RORA: variants seen among roughly 807,000 people sequenced by gnomAD.
The protein encoded by RORA is RAR related orphan receptor A.
In RORA, 7 loss-of-function variants were observed where a neutral mutation model predicts 69.5. The observed-to-expected ratio is 0.10, with a 90% CI of 0.06 to 0.19. RORA has a LOEUF of 0.19. Among genes scored for constraint, RORA ranks in the 10% least tolerant of loss-of-function variants. The pLI is 1.00. For synonymous variants in RORA, 261 were observed against 240.8 expected (o/e 1.08, Z -0.78); for missense variants, 457 against 663.0 (o/e 0.69, Z 3.41).
At chr15:60,619,227 C>A (rs1045340028) in intron 2 of RORA, among the ~76,000 whole-genome samples, 2 of 152,270 alleles carry the variant, frequency 1.3e-5, no homozygotes, top group East Asian at 1.9e-4. Flanking sequence ...ATCGTGGTAA[C>A]GAAATGACTA....
intron 1 of RORA, among the ~76,000 whole-genome samples, chr15:61,104,406 A>G (rs1039809660): frequency 1.3e-5 from 2 of 152,184 alleles, no homozygotes; most frequent in Non-Finnish European, 2.9e-5. Context: ...CAAACACAAC[A>G]GGAGGATGGT....
chr15:60,828,775 C>T (rs2072999647), intron 1 of RORA, among the ~76,000 whole-genome samples: 1 of 152,166 alleles, frequency 6.6e-6, no homozygotes, highest in Non-Finnish European at 1.5e-5. Flanking sequence ...TTCCTGATTC[C>T]CATTGATTTT....
intron 1 of RORA, among the ~76,000 whole-genome samples, chr15:60,785,784 C>T (rs528659072): frequency 1.3e-5 from 2 of 152,338 alleles, no homozygotes; most frequent in African/African-American, 4.8e-5. Flanking sequence ...AGCATTCCTC[C>T]CCTCCATATT....
chr15:61,017,905 C>T lies in RORA; in HGVS notation c.166+211148G>A, dbSNP rs562894898. 7.2e-5 allele frequency among the ~76,000 whole-genome samples: 11 copies of T among 152,198 alleles called. No individual in the cohort carries two copies. The East Asian group carries it at 9.7e-4, about 13-fold the overall frequency. The stretch of plus-strand genomic sequence containing the variant: ...TAATTCTCCATGTTGATCCTTCTGA[C>T]GGGGTGAGCGGAAGTTTACCTTTAT... On this transcript the variant is annotated intron_variant, in intron 1 of 10. Transcript: ENST00000335670.
At chr15:60,582,072 C>G (rs2068210780) in intron 2 of RORA, among the ~76,000 whole-genome samples, 1 of 152,052 alleles carries the variant, frequency 6.6e-6, no homozygotes, top group African/African-American at 2.4e-5. Context: ...TTTAAATCAA[C>G]CATCAAAAAC....
In RORA at chr15:60,531,914, C is replaced by G; in HGVS notation, c.197-63G>C. On this transcript the variant is annotated intron_variant, in intron 2 of 10. Transcript: ENST00000335670. The surrounding 1 kb of genome is among the most constrained non-coding windows in gnomAD (Gnocchi z 4.8). ...TTTTAAACACCTTATAAAAGCGTTCCCTGATCAGCATTTGTATAGTGAAAA... is the reference window on the plus strand; with the variant it reads ...TTTTAAACACCTTATAAAAGCGTTCGCTGATCAGCATTTGTATAGTGAAAA... 1.1e-6 allele frequency: 1 copy of G among 931,936 alleles called. No homozygotes were observed. The highest frequency in any genetic ancestry group is 1.5e-5 in the South Asian group (1 of 67,252). 57.7% of individuals were successfully genotyped at this position (931,936 alleles called of 1,614,324 possible).
intron 1 of RORA, among the ~76,000 whole-genome samples, chr15:60,914,046 T>C (rs1041088032): frequency 6.6e-6 from 1 of 152,188 alleles, no homozygotes; most frequent in South Asian, 2.1e-4. Flanking sequence ...GTGTATACCA[T>C]GGTGTCTGGC....
intron 1 of RORA, among the ~76,000 whole-genome samples, chr15:61,060,468 C>T (rs1356910204): frequency 6.6e-6 from 1 of 152,130 alleles, no homozygotes; most frequent in Non-Finnish European, 1.5e-5. Flanking sequence ...TCAGGTACAC[C>T]TCAGGGTAGG....
intron 1 of RORA, among the ~76,000 whole-genome samples, chr15:60,960,254 A>T (rs930539881): frequency 1.3e-5 from 2 of 152,212 alleles, no homozygotes; most frequent in African/African-American, 4.8e-5. Flanking sequence ...TAAAATCATT[A>T]GCTTACGGCT....
Position 60,993,460 on chromosome 15 carries a change from G to A in RORA, c.166+235593C>T, listed in dbSNP as rs559261904. Among the ~76,000 whole-genome samples, 14 of 152,120 alleles carry A rather than the reference G, an allele frequency of 9.2e-5. 1 individual carries two copies. The highest frequency in any genetic ancestry group is 3.1e-4 in the African/African-American group (13 of 41,496). On this transcript the variant is annotated intron_variant, in intron 1 of 10. Coordinates refer to ENST00000335670, the MANE Select transcript of RORA (RefSeq NM_134261.3). ...TCAAGACCAGCCTGGCCAACATGGT[G>A]AAACCCCATCTCTACTAAGAATACA...
At chr15:61,099,845 T>C (rs544254159) in intron 1 of RORA, among the ~76,000 whole-genome samples, 19 of 152,332 alleles carry the variant, frequency 1.2e-4, no homozygotes, top group African/African-American at 4.1e-4. Flanking sequence ...CTTCTACCCT[T>C]AGGTGAATGA....
intron 1 of RORA, chr15:61,176,473 T>C (rs921843646): frequency 3.3e-5 from 5 of 152,008 alleles, no homozygotes; most frequent in East Asian, 1.9e-4. Context: ...AAAGAAAATA[T>C]TTCTTTTTAC....
chr15:61,109,082 T>A (rs1453452774), intron 1 of RORA, among the ~76,000 whole-genome samples: 1 of 151,974 alleles, frequency 6.6e-6, no homozygotes, highest in East Asian at 1.9e-4. Flanking sequence ...TGTAATCCCA[T>A]CTACTTGGGA....
At chr15:61,202,578 C>T (rs1006928589) in intron 1 of RORA, among the ~76,000 whole-genome samples, 12 of 152,048 alleles carry the variant, frequency 7.9e-5, no homozygotes, top group African/African-American at 2.9e-4. Flanking sequence ...GCCTGTGGTG[C>T]TAACAACCTC....
intron 3 of RORA, among the ~76,000 whole-genome samples, chr15:60,526,252 C>T (rs1366021809): frequency 6.6e-6 from 1 of 152,154 alleles, no homozygotes; most frequent in Non-Finnish European, 1.5e-5. Context: ...ATTAAAGCTG[C>T]CCACGTGTCA....
chr15:60,851,725 A>T (rs341410), intron 1 of RORA, among the ~76,000 whole-genome samples: 149,032 of 151,012 alleles, frequency 0.99, 73,533 homozygotes, highest in South Asian at 1. Context: ...TGTGTGTGTG[A>T]GAGAGAGTGT....
intron 1 of RORA, among the ~76,000 whole-genome samples, chr15:60,750,508 T>C (rs1313468071): frequency 1.3e-5 from 2 of 152,232 alleles, no homozygotes; most frequent in East Asian, 1.9e-4. Flanking sequence ...TGCTACCGTG[T>C]TCAACCTTGT....
At chr15:61,113,066 CCTT>C (rs777302034) in intron 1 of RORA, among the ~76,000 whole-genome samples, 1 of 152,228 alleles carries the variant, frequency 6.6e-6, no homozygotes, top group Non-Finnish European at 1.5e-5. Context: ...TTGCTGCAGA[CCTT>C]CTTCACAACC....
intron 1 of RORA, among the ~76,000 whole-genome samples, chr15:61,019,461 A>G (rs988130409): frequency 2.0e-5 from 3 of 152,166 alleles, no homozygotes; most frequent in Non-Finnish European, 4.4e-5. Context: ...CTGCTAATAT[A>G]CAATCTGTGC....
Sources: allele counts gnomAD v4.1 joint callset (sites outside exome capture counted in the v4.1 genomes callset), GRCh38; gene constraint gnomAD v4.1.1; non-coding constraint Gnocchi (gnomAD v3.1); transcripts MANE v1.5; gene names NCBI Gene and HGNC (gene_info 2026-07-23, HGNC 2026-07-21).